Variants in WDFY3 observed in about 807,000 individuals in gnomAD.
WDFY3 encodes the protein WD repeat and FYVE domain-containing protein 3.
A neutral mutation model predicts 409.6 loss-of-function variants in WDFY3; 66 were observed. That is an observed-to-expected ratio of 0.16 (90% CI 0.13 to 0.20). The LOEUF is 0.20. Among genes scored for constraint, WDFY3 ranks in the 10% least tolerant of loss-of-function variants. The pLI is 1.00. For missense variants in WDFY3, 3,031 were observed against 4,298.1 expected (o/e 0.71, Z 8.24); for synonymous variants, 1,521 against 1,537.1 (o/e 0.99, Z 0.25).
At chr4:84,704,636 A>T (rs913404206) in intron 54 of WDFY3, among the ~76,000 whole-genome samples, 192 bp from the exon 55 acceptor site, 1 of 152,190 alleles carries the variant, frequency 6.6e-6, no homozygotes, top group Non-Finnish European at 1.5e-5. Context: ...AGTAGTCCAG[A>T]TTAAGTATAA....
chr4:84,741,459 C>T (rs866216598), intron 38 of WDFY3, among the ~76,000 whole-genome samples: 2 of 151,878 alleles, frequency 1.3e-5, no homozygotes, highest in Admixed American at 6.6e-5. Flanking sequence ...GAATTACAGG[C>T]GCGCACCAAC....
At chr4:84,896,635 A>G (rs943891868) in intron 3 of WDFY3, among the ~76,000 whole-genome samples, 2 of 152,162 alleles carry the variant, frequency 1.3e-5, no homozygotes, top group African/African-American at 4.8e-5. Context: ...TAATTTCTTG[A>G]ATATCTTTTA....
rs147357263 is a variant in WDFY3 at position 84,718,362 on chromosome 4, A to C, written c.7754+60T>G. 1,329 of 1,517,494 alleles carry C rather than the reference A, an allele frequency of 8.8e-4. 11 individuals carry two copies. In the African/African-American group the frequency reaches 0.016, roughly 18 times the overall value. The allele number at this position is 1,517,494 out of a possible 1,614,324, so 94.0% of individuals were successfully genotyped here. A position where few individuals can be genotyped will look rare whatever the true frequency, so the allele number is the denominator to read the frequency against. On this transcript the variant is annotated intron_variant, in intron 48 of 67. Coordinates refer to ENST00000295888, the MANE Select transcript of WDFY3 (RefSeq NM_014991.6). ...TTTTTGATTAAAAAAGAAAACTGCA[A>C]ATACATTTTCTGTCTTCTAAAGATA...
rs1434574545 is a variant in WDFY3, at chr4:84,794,768, GTTGA to G, written c.3269-35_3269-32del. The G allele has an allele frequency of 5.1e-6, 8 of 1,557,506 alleles. No homozygotes were observed. In the African/African-American group the frequency reaches 5.6e-5, roughly 11 times the overall value. On this transcript the variant is annotated intron_variant, in intron 20 of 67. Coordinates refer to ENST00000295888, the MANE Select transcript of WDFY3 (RefSeq NM_014991.6). ...GTAAAAATTAAAAAAAAAAGTCTGT[GTTGA>G]TTAATATTTATATTTTTTAAAAGAT... is the stretch of plus-strand genomic sequence containing the variant.
At chr4:84,859,158 T>C (rs1394824044) in intron 4 of WDFY3, among the ~76,000 whole-genome samples, 1 of 152,078 alleles carries the variant, frequency 6.6e-6, no homozygotes, top group African/African-American at 2.4e-5. Flanking sequence ...ACAGGAAGTC[T>C]GAGGAGAACA....
At chr4:84,734,648 T>G (rs995373969) in intron 43 of WDFY3, among the ~76,000 whole-genome samples, 1 of 152,216 alleles carries the variant, frequency 6.6e-6, no homozygotes, top group African/African-American at 2.4e-5. Flanking sequence ...AATCTTGTAA[T>G]TTTTTACAAT....
chr4:84,696,930 G>T, intron 56 of WDFY3, 107 bp from the exon 57 acceptor site: 1 of 910,874 alleles, frequency 1.1e-6, no homozygotes, highest in Non-Finnish European at 1.7e-6. Flanking sequence ...ATACCAGAAC[G>T]CTAAAATTGT....
intron 15 of WDFY3, chr4:84,803,761 G>A: frequency 4.8e-6 from 1 of 209,978 alleles, no homozygotes; most frequent in East Asian, 1.1e-4. Flanking sequence ...TGTACCACAA[G>A]ATGTAAAGAA....
chr4:84,752,193 G>A (rs1207606133), intron 35 of WDFY3, among the ~76,000 whole-genome samples: 1 of 151,970 alleles, frequency 6.6e-6, no homozygotes, highest in Non-Finnish European at 1.5e-5. Context: ...TGAACCAAGT[G>A]ACAGAGCGAG....
intron 2 of WDFY3, among the ~76,000 whole-genome samples, chr4:84,918,028 G>A (rs2150820114): frequency 1.3e-5 from 2 of 152,140 alleles, no homozygotes; most frequent in Non-Finnish European, 2.9e-5. Context: ...CTTCAGATTG[G>A]CAAAAATTCA....
chr4:84,929,405 G>A (rs1335552144), intron 2 of WDFY3, among the ~76,000 whole-genome samples: 1 of 151,436 alleles, frequency 6.6e-6, no homozygotes, highest in East Asian at 1.9e-4. Context: ...AACAGATAAT[G>A]TTTGCAGTTT....
At position 84,841,278 on chromosome 4, in the gene WDFY3, G is replaced by A; in HGVS notation, c.305-15C>T. The stretch of plus-strand genomic sequence containing the variant: ...ACTTGCAGCCTCTATAAAACCAAAG[G>A]GAAAGCCATTAAGTGGGGGAAAAGT... On this transcript the variant is annotated splice_polypyrimidine_tract_variant and intron_variant, in intron 5 of 67. Coordinates refer to ENST00000295888, the MANE Select transcript of WDFY3 (RefSeq NM_014991.6). 2 of 1,604,170 alleles carry A rather than the reference G, an allele frequency of 1.2e-6. No homozygotes were observed. Among genetic ancestry groups the A allele is most frequent in the Non-Finnish European group, 8.5e-7 (1 of 1,176,906 alleles).
chr4:84,717,393 T>C, intron 48 of WDFY3, among the ~76,000 whole-genome samples: 1 of 152,206 alleles, frequency 6.6e-6, no homozygotes, highest in East Asian at 1.9e-4. Flanking sequence ...TTTATACCAT[T>C]AGCCACAACA....
At chr4:84,720,382 G>A (rs1296969513) in intron 47 of WDFY3, among the ~76,000 whole-genome samples, 2 of 152,136 alleles carry the variant, frequency 1.3e-5, no homozygotes, top group Non-Finnish European at 2.9e-5. Context: ...TTAGGATAAA[G>A]GTTATGCAAG....
chr4:84,822,011 T>A (rs1754141335), intron 10 of WDFY3, among the ~76,000 whole-genome samples: 1 of 152,194 alleles, frequency 6.6e-6, no homozygotes, highest in South Asian at 2.1e-4. Context: ...AAATTCCAGT[T>A]TTCCTTTATA....
rs530396201 is a variant in WDFY3 at position 84,773,825 on chromosome 4, ATTCTCCTGCCTC to A, written c.4755-908_4755-897del. Reference sequence around the variant, plus strand: ...AACCTCCGCCTCCCGGGTTCAAGTGATTCTCCTGCCTCAGCCTCCCAAGTAGCTGGGATTACA... The same window carrying A: ...AACCTCCGCCTCCCGGGTTCAAGTGAAGCCTCCCAAGTAGCTGGGATTACA... On this transcript the variant is annotated intron_variant, in intron 29 of 67. Transcript: ENST00000295888. 1.0e-3 allele frequency among the ~76,000 whole-genome samples: 156 copies of A among 152,156 alleles called. 2 individuals are homozygous for A. Among genetic ancestry groups the A allele is most frequent in the African/African-American group, 3.5e-3 (145 of 41,504 alleles).
rs1738574675 is a variant in WDFY3, at chr4:84,742,305, CTGTT to C, written c.6074-388_6074-385del. On this transcript the variant is annotated intron_variant, in intron 37 of 67. Transcript: ENST00000295888. The stretch of plus-strand genomic sequence containing the variant: ...AAGGGTAAAACTGTGAAACAAAACT[CTGTT>C]TTAGTGTATAGCTCTAATAGCAGTG... Among the ~76,000 whole-genome samples, 3 of 152,166 alleles carry C rather than the reference CTGTT, an allele frequency of 2.0e-5. No individual in the cohort carries two copies. In the South Asian group the frequency reaches 6.2e-4, roughly 32 times the overall value.
chr4:84,686,186 A>G (rs1728293724), intron 62 of WDFY3, among the ~76,000 whole-genome samples: 1 of 152,116 alleles, frequency 6.6e-6, no homozygotes, highest in Admixed American at 6.6e-5. Flanking sequence ...GGCACCTGTA[A>G]TCCCAGCTAC....
intron 3 of WDFY3, among the ~76,000 whole-genome samples, chr4:84,891,833 A>G (rs1764997159): frequency 6.6e-6 from 1 of 152,146 alleles, no homozygotes; most frequent in Non-Finnish European, 1.5e-5. Context: ...ATGGCTCTAG[A>G]GTATCTTAAG....
Sources: gnomAD v4.1 joint callset for allele counts (sites outside exome capture counted in the v4.1 genomes callset) on GRCh38, gnomAD v4.1.1 for gene constraint, MANE v1.5 for transcripts, NCBI Gene and HGNC (gene_info 2026-07-23, HGNC 2026-07-21) for gene names.